PLD3: variants seen among roughly 807,000 people sequenced by gnomAD.
PLD3 encodes the protein phospholipase D family member 3, also known as 5'-3' exonuclease PLD3.
In PLD3, 31 loss-of-function variants were observed where a neutral mutation model predicts 58.4. That is an observed-to-expected ratio of 0.53 (90% CI 0.40 to 0.72). The LOEUF (loss-of-function observed/expected upper bound fraction) is 0.72. Among genes scored for constraint, PLD3 ranks in the 30% least tolerant of loss-of-function variants. PLD3 has a pLI of 0.00. For synonymous variants in PLD3, 264 were observed against 273.4 expected (o/e 0.97, Z 0.34); for missense variants, 595 against 659.8 (o/e 0.90, Z 1.08).
intron 1 of PLD3, among the ~76,000 whole-genome samples, chr19:40,351,874 C>T (rs1280207996): frequency 1.3e-5 from 2 of 152,188 alleles, no homozygotes; most frequent in East Asian, 1.9e-4. Context: ...AACTTCTACC[C>T]AGGATCGACT....
Position 40,369,909 on chromosome 19 carries a change from G to A in PLD3, c.431G>A (p.Gly144Asp), listed in dbSNP as rs761353429. 1.3e-6 allele frequency: 2 copies of A among 1,556,414 alleles called. No homozygotes were observed. Among genetic ancestry groups the A allele is most frequent in the African/African-American group, 1.4e-5 (1 of 73,462 alleles). ...THTQEPSAQQ[G>D]EEVLRQLQTL... is the part of the protein sequence containing the mutation. ...TCAGAAGCTCTCCCCTCCCCGCAGGGTGAGGAGGTCCTCCGGCAGCTGCAG... is the reference window on the plus strand; with the variant it reads ...TCAGAAGCTCTCCCCTCCCCGCAGGATGAGGAGGTCCTCCGGCAGCTGCAG... The change falls in exon 7 of 13, where the codon GGT becomes GAT. Residue 144 changes from glycine (G) to aspartate (D), a missense_variant and splice_region_variant. Coordinates refer to ENST00000409735, the MANE Select transcript of PLD3 (RefSeq NM_012268.4).
Position 40,377,769 on chromosome 19 carries a change from C to T in PLD3, c.1186-17C>T. ...CCCTGCCTCTCACACTCCTTCCCATCCTCCCCTCCCACTCAGAAACTCTTT... is the reference window on the plus strand; with the variant it reads ...CCCTGCCTCTCACACTCCTTCCCATTCTCCCCTCCCACTCAGAAACTCTTT... On this transcript the variant is annotated splice_polypyrimidine_tract_variant and intron_variant, in intron 11 of 12. Transcript: ENST00000409735. 6.3e-7 allele frequency: 1 copy of T among 1,599,496 alleles called. No individual in the cohort carries two copies. Among genetic ancestry groups the T allele is most frequent in the African/African-American group, 1.3e-5 (1 of 74,686 alleles).
chr19:40,376,540 C>T, intron 10 of PLD3, 69 bp from the exon 11 acceptor site: 2 of 1,502,404 alleles, frequency 1.3e-6, no homozygotes, highest in Non-Finnish European at 1.8e-6. Context: ...TTCCCCAAAG[C>T]TGAGGGCAAA....
chr19:40,351,216 C>T (rs566336526), intron 1 of PLD3, among the ~76,000 whole-genome samples: 12 of 145,990 alleles, frequency 8.2e-5, no homozygotes, highest in South Asian at 6.9e-4. Context: ...GGGCAACAGA[C>T]GGAGACCCTG....
chr19:40,350,260 CAAAAAAAAAA>C (rs763559067), intron 1 of PLD3, among the ~76,000 whole-genome samples: 2 of 68,122 alleles, frequency 2.9e-5, no homozygotes, highest in Non-Finnish European at 5.4e-5. Context: ...GACTCCGTCT[CAAAAAAAAAA>C]AAAAAAAAAA....
At position 40,366,771 on chromosome 19, in the gene PLD3, A is replaced by G. The variant is rs1432602688; in HGVS notation, c.103-2A>G. On this transcript the variant is annotated splice_acceptor_variant, in intron 4 of 12. Coordinates refer to ENST00000409735, the MANE Select transcript of PLD3 (RefSeq NM_012268.4). LOFTEE classifies it high-confidence loss of function. ...TGGCTGACCACCTCCTCCTCCCCAC[A>G]GAAAGCCCGCTGGGTCCTGCTGGTC... is the stretch of plus-strand genomic sequence containing the variant. 4 of 1,613,900 alleles carry G rather than the reference A, an allele frequency of 2.5e-6. No individual in the cohort carries two copies. Among genetic ancestry groups the G allele is most frequent in the Non-Finnish European group, 3.4e-6 (4 of 1,179,876 alleles).
At chr19:40,366,731 C>T (rs2078932643) in intron 4 of PLD3, 42 bp from the exon 5 acceptor site, 1 of 1,613,786 alleles carries the variant, frequency 6.2e-7, no homozygotes, top group Admixed American at 1.7e-5. Context: ...ACAGGCTGGG[C>T]TGCCCCCCTC....
At chr19:40,351,239 AAAACAAAACAAAAC>A (rs994219252) in intron 1 of PLD3, among the ~76,000 whole-genome samples, 10 of 127,810 alleles carry the variant, frequency 7.8e-5, no homozygotes, top group South Asian at 3.3e-4. Context: ...TCAAAACAAA[AAAACAAAACAAAAC>A]AAAAAAACGG....
intron 10 of PLD3, among the ~76,000 whole-genome samples, chr19:40,375,977 C>T (rs1386598060): frequency 2.0e-5 from 3 of 151,976 alleles, no homozygotes; most frequent in Admixed American, 1.3e-4. Flanking sequence ...CACTTGAGCC[C>T]AGGAGTTGGA....
rs967072783 is a variant in PLD3, at chr19:40,377,878, C to G, written c.1278C>G (p.Thr426=). Residue 426 remains threonine, a synonymous_variant, in exon 12 of 13, where the codon ACC becomes ACG. Coordinates refer to ENST00000409735, the MANE Select transcript of PLD3 (RefSeq NM_012268.4). ...AGTACATGGTGACTGAACGCGCCAC[C>G]TACATCGGTGAGTGTCTTGAGCACC... The part of the protein sequence containing the change: ...HNKYMVTERA[T]YIGTSNWSGN... 1 of 1,613,744 alleles carries G rather than the reference C, an allele frequency of 6.2e-7. No homozygotes were observed. The highest frequency in any genetic ancestry group is 1.3e-5 in the African/African-American group (1 of 74,898).
chr19:40,366,464 T>C lies in PLD3; in HGVS notation c.-20T>C, dbSNP rs1555794404. On this transcript the variant is annotated 5_prime_UTR_variant, in exon 3 of 13. Coordinates refer to ENST00000409735, the MANE Select transcript of PLD3 (RefSeq NM_012268.4). Reference sequence around the variant, plus strand: ...CACCTTCTCACCTGGGCTCTGCGTATCCCCCAGCCTTGAGGGAAGATGAAG... The same window carrying C: ...CACCTTCTCACCTGGGCTCTGCGTACCCCCCAGCCTTGAGGGAAGATGAAG... 1 of 1,613,328 alleles carries C rather than the reference T, an allele frequency of 6.2e-7. No homozygotes were observed. Among genetic ancestry groups the C allele is most frequent in the East Asian group, 2.2e-5 (1 of 44,860 alleles).
chr19:40,355,691 A>C (rs1044322577), intron 1 of PLD3, among the ~76,000 whole-genome samples: 22 of 146,666 alleles, frequency 1.5e-4, no homozygotes, highest in Non-Finnish European at 2.1e-4. Context: ...TATTGATTAA[A>C]TATTAGTTGA....
At chr19:40,376,892 G>A (rs2079219491) in intron 11 of PLD3, 118 bp downstream of exon 11, 1 of 971,128 alleles carries the variant, frequency 1.0e-6, no homozygotes, top group Non-Finnish European at 1.5e-6. Context: ...TGTCACTGTG[G>A]GGAAACCATG....
chr19:40,356,185 C>A (rs567693897), intron 1 of PLD3: 1 of 152,346 alleles, frequency 6.6e-6, no homozygotes, highest in Non-Finnish European at 1.5e-5. Context: ...GTTCAAGGAA[C>A]TGAAAGATCA....
intron 11 of PLD3, among the ~76,000 whole-genome samples, chr19:40,377,014 G>A (rs940064438): frequency 1.3e-5 from 2 of 149,034 alleles, no homozygotes; most frequent in South Asian, 4.3e-4. Context: ...GTTGGGACCA[G>A]GAATGGGGAC....
At position 40,353,865 on chromosome 19, in the gene PLD3, A is replaced by G. The variant is rs1212905671; in HGVS notation, c.-279+5097A>G. The stretch of plus-strand genomic sequence containing the variant: ...AGTGCTGGGATTACAGGCGTGAGCC[A>G]CCACACCTGGCCCTACCATGTTATT... On this transcript the variant is annotated intron_variant, in intron 1 of 12. Transcript: ENST00000409735. 2.3e-4 allele frequency among the ~76,000 whole-genome samples: 34 copies of G among 150,490 alleles called. No individual in the cohort carries two copies. The Admixed American group carries it at 2.3e-3, about 10-fold the overall frequency.
At chr19:40,366,053 C>A in intron 2 of PLD3, 123 bp downstream of exon 2, 1 of 230,580 alleles carries the variant, frequency 4.3e-6, no homozygotes, top group South Asian at 5.0e-5. Flanking sequence ...AGAATATACC[C>A]CCTGTCCCAG....
chr19:40,353,860 G>C (rs902766701), intron 1 of PLD3, among the ~76,000 whole-genome samples: 1 of 150,948 alleles, frequency 6.6e-6, no homozygotes, highest in African/African-American at 2.4e-5. Flanking sequence ...TTACAGGCGT[G>C]AGCCACCACA....
chr19:40,359,515 G>T (rs1285810404), intron 1 of PLD3: 1 of 152,190 alleles, frequency 6.6e-6, no homozygotes, highest in East Asian at 1.9e-4. Flanking sequence ...CCCACCTTCA[G>T]TTTCACCCTA....
Sources: allele counts gnomAD v4.1 joint callset (sites outside exome capture counted in the v4.1 genomes callset), GRCh38; gene constraint gnomAD v4.1.1; transcripts MANE v1.5; gene names NCBI Gene and HGNC (gene_info 2026-07-23, HGNC 2026-07-21).